The following EYS variants were observed in gnomAD, a reference collection of about 807,000 sequenced individuals.
EYS encodes the protein protein eyes shut homolog.
Under a neutral mutation model 282.1 loss-of-function variants are expected in EYS, and 250 were observed. That is an observed-to-expected ratio of 0.89 (90% confidence interval 0.80 to 0.98). The LOEUF (loss-of-function observed/expected upper bound fraction) is 0.98, where lower values mean the gene tolerates loss of function less well. Ranked by LOEUF, EYS falls within the 50% of genes least tolerant of loss-of-function variation. The probability of loss-of-function intolerance (pLI) is 0.00; values close to 1 mark genes in which losing one functional copy is unlikely to be tolerated. For missense variants in EYS, 4,016 were observed against 3,709.0 expected (o/e 1.08, Z -2.15); for synonymous variants, 1,355 against 1,282.9 (o/e 1.06, Z -1.20).
chr6:64,595,529 T>C (rs1766558221), intron 24 of EYS, among the ~76,000 whole-genome samples: 1 of 152,190 alleles, frequency 6.6e-6, no homozygotes, highest in South Asian at 2.1e-4. Flanking sequence ...ATCTTATATA[T>C]AGAAAAACCT....
chr6:64,263,210 T>G (rs908666379), intron 30 of EYS, among the ~76,000 whole-genome samples: 4 of 152,066 alleles, frequency 2.6e-5, no homozygotes, highest in Non-Finnish European at 5.9e-5. Flanking sequence ...CACTGTCATC[T>G]CTCTTATTTC....
intron 15 of EYS, among the ~76,000 whole-genome samples, chr6:64,923,409 T>C (rs1225028969): frequency 6.6e-6 from 1 of 152,200 alleles, no homozygotes; most frequent in Non-Finnish European, 1.5e-5. Context: ...TTCTGGGATA[T>C]ACAATTCAAG....
intron 28 of EYS, among the ~76,000 whole-genome samples, chr6:64,421,062 A>C (rs1419429469): frequency 1.3e-5 from 2 of 152,194 alleles, no homozygotes; most frequent in Non-Finnish European, 2.9e-5. Flanking sequence ...GTATTAGTCC[A>C]TTCTCACACT....
chr6:65,092,493 C>G (rs1265577687), intron 12 of EYS, among the ~76,000 whole-genome samples: 1 of 152,142 alleles, frequency 6.6e-6, no homozygotes, highest in Non-Finnish European at 1.5e-5. Context: ...TCATGCAACA[C>G]ACTATTTTAA....
intron 22 of EYS, among the ~76,000 whole-genome samples, chr6:64,694,533 A>T (rs539781188): frequency 6.6e-6 from 1 of 152,292 alleles, no homozygotes; most frequent in East Asian, 1.9e-4. Flanking sequence ...AGTGCCCTGC[A>T]TGCATTCCCA....
intron 13 of EYS, among the ~76,000 whole-genome samples, chr6:64,998,115 T>A (rs1261129977): frequency 1.3e-5 from 2 of 152,208 alleles, no homozygotes; most frequent in African/African-American, 4.8e-5. Context: ...GTTGTTAAAG[T>A]TCTATGTATG....
intron 31 of EYS, among the ~76,000 whole-genome samples, chr6:64,204,614 G>C (rs1765563150): frequency 6.6e-6 from 1 of 152,072 alleles, no homozygotes; most frequent in Admixed American, 6.5e-5. Context: ...CTATATAGTA[G>C]TTTCATTTAT....
At chr6:64,507,243 T>A (rs1393884990) in intron 26 of EYS, among the ~76,000 whole-genome samples, 1 of 152,106 alleles carries the variant, frequency 6.6e-6, no homozygotes, top group African/African-American at 2.4e-5. Flanking sequence ...CTTCATGTCC[T>A]TTGTAGGGAC....
At chr6:64,326,202 C>A (rs185856435) in intron 29 of EYS, among the ~76,000 whole-genome samples, 71 of 152,164 alleles carry the variant, frequency 4.7e-4, no homozygotes, top group African/African-American at 1.5e-3. Context: ...CCCCTTCCCC[C>A]ACTTACACTC....
intron 26 of EYS, among the ~76,000 whole-genome samples, chr6:64,451,581 C>G (rs1344750134): frequency 6.6e-6 from 1 of 152,134 alleles, no homozygotes; most frequent in African/African-American, 2.4e-5. Flanking sequence ...GACCAATATC[C>G]TTGACGAACA....
rs61362090 is a variant in EYS at position 65,583,967 on chromosome 6, T to TA, written c.-333+55810dup. ...TATCTTATGAACATATTACTTAAAA[T>TA]AAAAAAAAAAAATTTCAGACTACAG... On this transcript the variant is annotated intron_variant, in intron 2 of 42. Transcript: ENST00000503581. Among the ~76,000 whole-genome samples the TA allele has an allele frequency of 3.7e-3, 546 of 146,516 alleles. 2 individuals carry two copies. The highest frequency in any genetic ancestry group is 0.01 in the Middle Eastern group (3 of 290).
rs559767871 is a variant in EYS, at chr6:64,156,306, C to T, written c.6424+74286G>A. Among the ~76,000 whole-genome samples the T allele has an allele frequency of 1.4e-4, 22 of 152,208 alleles. No individual in the cohort carries two copies. The South Asian group carries it at 2.1e-3, about 14-fold the overall frequency. Reference sequence around the variant, plus strand: ...TCCTCATTTTATCTTGCCACCACCACGTAAGAAGTGCCTTTCACCTCCCAC... The same window carrying T: ...TCCTCATTTTATCTTGCCACCACCATGTAAGAAGTGCCTTTCACCTCCCAC... On this transcript the variant is annotated intron_variant, in intron 31 of 42. Coordinates refer to ENST00000503581, the MANE Select transcript of EYS (RefSeq NM_001142800.2).
At chr6:64,845,558 C>T (rs1177908491) in intron 19 of EYS, among the ~76,000 whole-genome samples, 1 of 149,826 alleles carries the variant, frequency 6.7e-6, no homozygotes, top group African/African-American at 2.5e-5. Context: ...TCATTTTAGC[C>T]TACTCCTAGG....
chr6:64,171,173 A>G (rs1194206428), intron 31 of EYS, among the ~76,000 whole-genome samples: 1 of 152,156 alleles, frequency 6.6e-6, no homozygotes, highest in Admixed American at 6.6e-5. Context: ...CTGTTAGTTT[A>G]GTTATTGACT....
intron 1 of EYS, among the ~76,000 whole-genome samples, chr6:65,640,286 G>A (rs749918128): frequency 2.0e-5 from 3 of 152,040 alleles, no homozygotes. Context: ...TAATTCAGTG[G>A]GTCCATGAAA....
intron 18 of EYS, among the ~76,000 whole-genome samples, chr6:64,901,294 GTATATA>G (rs70999177): frequency 2.9e-4 from 37 of 127,746 alleles, no homozygotes; most frequent in African/African-American, 1.0e-3. Context: ...ATGTAGTTGA[GTATATA>G]TATATATATA....
intron 12 of EYS, among the ~76,000 whole-genome samples, chr6:65,100,311 CT>C (rs1222489037): frequency 6.6e-6 from 1 of 150,410 alleles, no homozygotes; most frequent in Non-Finnish European, 1.5e-5. Flanking sequence ...AAGGTACAAG[CT>C]TTTTGTTAAG....
chr6:64,550,813 A>T (rs1765051209), intron 26 of EYS, among the ~76,000 whole-genome samples: 1 of 152,112 alleles, frequency 6.6e-6, no homozygotes, highest in Non-Finnish European at 1.5e-5. Flanking sequence ...CTTATACACC[A>T]ATAACAGACA....
chr6:64,863,608 C>T lies in EYS; in HGVS notation c.2992+23089G>A, dbSNP rs539717254. On this transcript the variant is annotated intron_variant, in intron 19 of 42. Transcript: ENST00000503581. ...TGGCCTGACTTGTTGCTTATCAAGC[C>T]TCCTTTGGGTGCACTTAGAATAGCT... Among the ~76,000 whole-genome samples, 21 of 152,206 alleles carry T rather than the reference C, an allele frequency of 1.4e-4. 1 individual carries two copies. The highest frequency in any genetic ancestry group is 3.9e-4 in the African/African-American group (16 of 41,526).
Sources: allele counts gnomAD v4.1 joint callset (sites outside exome capture counted in the v4.1 genomes callset), GRCh38; gene constraint gnomAD v4.1.1; transcripts MANE v1.5; gene names NCBI Gene and HGNC (gene_info 2026-07-23, HGNC 2026-07-21).